Variants in PCDH15 observed in about 807,000 individuals in gnomAD.
PCDH15 encodes the protein protocadherin related 15.
In PCDH15, 129 loss-of-function variants were observed where a neutral mutation model predicts 178.5. The ratio of observed to expected loss-of-function variants is 0.72; its 90% CI spans 0.63 to 0.84. The LOEUF (loss-of-function observed/expected upper bound fraction) is 0.84, where lower values mean the gene tolerates loss of function less well. PCDH15 is among the 40% of genes least tolerant of loss of function. PCDH15 has a pLI of 0.00. For missense variants in PCDH15, 2,230 were observed against 2,099.9 expected (o/e 1.06, Z -1.21); for synonymous variants, 800 against 732.0 (o/e 1.09, Z -1.50).
rs183264318 is a variant in PCDH15 at position 54,144,312 on chromosome 10, G to C, written c.1784+8788C>G. 7.9e-5 allele frequency among the ~76,000 whole-genome samples: 12 copies of C among 152,124 alleles called. No individual in the cohort carries two copies. The South Asian group carries it at 8.3e-4, about 11-fold the overall frequency. Reference sequence around the variant, plus strand: ...AAACAGTCCCATAGATCACTTTTTCGATAAACATAGAAATTGACCCTTCTG... The same window carrying C: ...AAACAGTCCCATAGATCACTTTTTCCATAAACATAGAAATTGACCCTTCTG... On this transcript the variant is annotated intron_variant, in intron 14 of 37. Coordinates refer to ENST00000644397, the MANE Select transcript of PCDH15 (RefSeq NM_001384140.1).
chr10:55,230,921 C>T (rs1841197835), intron 1 of PCDH15, among the ~76,000 whole-genome samples: 1 of 151,916 alleles, frequency 6.6e-6, no homozygotes, highest in Non-Finnish European at 1.5e-5. Flanking sequence ...CTTAAATGCC[C>T]AACCAGATAT....
chr10:54,570,179 T>C (rs2089616295), intron 2 of PCDH15, among the ~76,000 whole-genome samples: 1 of 152,082 alleles, frequency 6.6e-6, no homozygotes, highest in African/African-American at 2.4e-5. Context: ...GGTAGTGCCA[T>C]GTGGAACCAT....
intron 1 of PCDH15, among the ~76,000 whole-genome samples, chr10:55,259,853 G>A (rs1010463391): frequency 4.0e-5 from 5 of 125,836 alleles, no homozygotes; most frequent in African/African-American, 1.5e-4. Context: ...GGTGAGCCGA[G>A]ATTGCACCAT....
chr10:53,970,112 C>T (rs2089510103), intron 21 of PCDH15, among the ~76,000 whole-genome samples: 2 of 152,056 alleles, frequency 1.3e-5, no homozygotes, highest in South Asian at 4.1e-4. Context: ...ATTCAAGAGA[C>T]CTATCTTATG....
intron 1 of PCDH15, among the ~76,000 whole-genome samples, chr10:54,678,550 C>A (rs917164493): frequency 2.6e-5 from 4 of 151,838 alleles, no homozygotes; most frequent in African/African-American, 9.7e-5. Context: ...CTGCTAAATT[C>A]AAACAAATTT....
At chr10:54,173,439 C>A (rs1038317359) in intron 13 of PCDH15, among the ~76,000 whole-genome samples, 1 of 152,084 alleles carries the variant, frequency 6.6e-6, no homozygotes, top group African/African-American at 2.4e-5. Context: ...TCTCAAGAGT[C>A]TTTTTGAAGT....
In PCDH15 at chr10:54,066,458, T is replaced by C. The variant is rs1287952997; in HGVS notation, c.2220+299A>G. On this transcript the variant is annotated intron_variant, in intron 18 of 37. Transcript: ENST00000644397. ...ATGTCCACATCCATACCTAGTAGTA[T>C]ACCTAATTACATGTTTCTGTAAAAT... is the stretch of plus-strand genomic sequence containing the variant. 2.0e-5 allele frequency among the ~76,000 whole-genome samples: 3 copies of C among 152,208 alleles called. No individual in the cohort carries two copies. In the East Asian group the frequency reaches 5.8e-4, roughly 29 times the overall value.
At chr10:54,058,136 A>G (rs973538284) in intron 18 of PCDH15, among the ~76,000 whole-genome samples, 2 of 151,698 alleles carry the variant, frequency 1.3e-5, no homozygotes, top group African/African-American at 2.4e-5. Flanking sequence ...ACATTTTCCT[A>G]TTTTCTTCTG....
chr10:54,236,829 G>T lies in PCDH15; in HGVS notation c.979C>A (p.Leu327Ile), dbSNP rs764602163. Residue 327 changes from leucine to isoleucine, a missense_variant, in exon 9 of 38, where the codon CTT becomes ATT. Transcript: ENST00000644397. ...AATGTTATCAGATACAAACCAACAA[G>T]GATGGAATAGAGGATTCCTGGCCTA... Reference protein sequence around the residue: ...SDRPGILYSILVGTPEDYPRF... With the variant: ...SDRPGILYSIIVGTPEDYPRF... 1.2e-6 allele frequency: 2 copies of T among 1,609,700 alleles called. No homozygotes were observed. Among genetic ancestry groups the T allele is most frequent in the Admixed American group, 3.3e-5 (2 of 59,992 alleles).
intron 8 of PCDH15, among the ~76,000 whole-genome samples, chr10:54,276,727 T>A (rs2058370930): frequency 6.6e-6 from 1 of 151,718 alleles, no homozygotes; most frequent in African/African-American, 2.4e-5. Flanking sequence ...AAAAACAGAT[T>A]ATAAATAAAT....
At chr10:55,368,235 G>C (rs971837880) in intron 2 of PCDH15, among the ~76,000 whole-genome samples, 1 of 151,974 alleles carries the variant, frequency 6.6e-6, no homozygotes, top group African/African-American at 2.4e-5. Flanking sequence ...ACAATGGCAA[G>C]GAACCAATTT....
chr10:55,367,859 C>T (rs565119197), intron 2 of PCDH15, among the ~76,000 whole-genome samples: 133 of 152,198 alleles, frequency 8.7e-4, no homozygotes, highest in African/African-American at 2.9e-3. Flanking sequence ...AGGAACCCAA[C>T]ACATTGGAGC....
intron 3 of PCDH15, among the ~76,000 whole-genome samples, chr10:54,401,361 C>CA (rs572473714): frequency 2.2e-3 from 326 of 147,210 alleles, no homozygotes; most frequent in South Asian, 6.4e-3. Context: ...GTTGTAGATT[C>CA]AAAAAAAAAA....
At chr10:54,256,245 G>A (rs73235292) in intron 8 of PCDH15, among the ~76,000 whole-genome samples, 3,397 of 152,204 alleles carry the variant, frequency 0.022, 141 homozygotes, top group African/African-American at 0.077. Context: ...AGACCCTGGA[G>A]TGCAATGGCA....
intron 1 of PCDH15, among the ~76,000 whole-genome samples, chr10:55,254,891 A>G (rs1841947073): frequency 6.6e-6 from 1 of 152,210 alleles, no homozygotes; most frequent in Non-Finnish European, 1.5e-5. Context: ...AGTTTAGTCA[A>G]CCTTACATCT....
chr10:55,013,217 A>G (rs1840088598), intron 2 of PCDH15, among the ~76,000 whole-genome samples: 1 of 152,160 alleles, frequency 6.6e-6, no homozygotes, highest in South Asian at 2.1e-4. Context: ...GGCCTTTTGC[A>G]TGAGATGATA....
intron 1 of PCDH15, among the ~76,000 whole-genome samples, chr10:54,741,710 T>C (rs1200666546): frequency 2.0e-5 from 3 of 152,036 alleles, no homozygotes; most frequent in Non-Finnish European, 2.9e-5. Context: ...ATTGCTTGGC[T>C]CATGGCTCAT....
chr10:54,147,192 T>C (rs979822521), intron 14 of PCDH15, among the ~76,000 whole-genome samples: 6 of 151,426 alleles, frequency 4.0e-5, no homozygotes, highest in Non-Finnish European at 5.9e-5. Flanking sequence ...ACAGTGAACA[T>C]GACATTATCT....
At chr10:54,007,691 T>C (rs1471218042) in intron 20 of PCDH15, among the ~76,000 whole-genome samples, 1 of 152,196 alleles carries the variant, frequency 6.6e-6, no homozygotes, top group Non-Finnish European at 1.5e-5. Context: ...AATACTTGAA[T>C]TTTCCCATTC....
Sources: gnomAD v4.1 joint callset for allele counts (sites outside exome capture counted in the v4.1 genomes callset) on GRCh38, gnomAD v4.1.1 for gene constraint, MANE v1.5 for transcripts, NCBI Gene and HGNC (gene_info 2026-07-23, HGNC 2026-07-21) for gene names.